Variants in RANBP17 observed in about 807,000 individuals in gnomAD.
The protein encoded by RANBP17 is ran-binding protein 17.
RANBP17 carries 158 observed loss-of-function variants against 141.2 expected under a neutral mutation model. The observed-to-expected ratio is 1.12, with a 90% confidence interval of 0.98 to 1.28. RANBP17 has a LOEUF of 1.28. Among genes scored for constraint, RANBP17 ranks in the 50% most tolerant of loss-of-function variants. RANBP17 has a pLI of 0.00. For missense variants in RANBP17, 1,438 were observed against 1,290.7 expected (o/e 1.11, Z -1.75); for synonymous variants, 430 against 450.0 (o/e 0.96, Z 0.56).
At chr5:170,903,054 G>C (rs116617179) in intron 5 of RANBP17, among the ~76,000 whole-genome samples, 2,709 of 152,322 alleles carry the variant, frequency 0.018, 72 homozygotes, top group African/African-American at 0.061. Flanking sequence ...GCTCTCTTCA[G>C]AGCTGGCAAG....
At chr5:171,068,640 G>A (rs1784448048) in intron 14 of RANBP17, among the ~76,000 whole-genome samples, 1 of 152,034 alleles carries the variant, frequency 6.6e-6, no homozygotes, top group Admixed American at 6.6e-5. Flanking sequence ...AGGTTGGAGT[G>A]CAGGGATGTG....
At chr5:171,135,172 C>T (rs956055026) in intron 14 of RANBP17, among the ~76,000 whole-genome samples, 8 of 147,774 alleles carry the variant, frequency 5.4e-5, no homozygotes, top group Admixed American at 2.7e-4. Flanking sequence ...CCCAGCTACC[C>T]GGGAGGCTGA....
At chr5:171,195,605 C>G (rs182428635) in intron 18 of RANBP17, among the ~76,000 whole-genome samples, 21 of 152,198 alleles carry the variant, frequency 1.4e-4, no homozygotes, top group African/African-American at 4.8e-4. Context: ...GATCTTCACT[C>G]TCTTCTGACT....
rs1777406611 is a variant in RANBP17 at position 170,976,796 on chromosome 5, A to ACTGGATATTCACATTCAAG, written c.1710+8437_1710+8438insGCTGGATATTCACATTCAA. On this transcript the variant is annotated intron_variant, in intron 14 of 27. Transcript: ENST00000523189. ...GTTTTCAACAAATGATGCTGGTACA[A>ACTGGATATTCACATTCAAG]CTGGATATTCACATTCAAAAGAATG... 2.0e-5 allele frequency among the ~76,000 whole-genome samples: 3 copies of ACTGGATATTCACATTCAAG among 152,254 alleles called. No individual in the cohort carries two copies. The South Asian group carries it at 6.2e-4, about 32-fold the overall frequency.
At chr5:171,187,462 G>C (rs943842444) in intron 18 of RANBP17, among the ~76,000 whole-genome samples, 2 of 151,526 alleles carry the variant, frequency 1.3e-5, no homozygotes, top group Non-Finnish European at 2.9e-5. Context: ...AAAAAGTGTG[G>C]TATCTGTGAA....
At chr5:170,944,678 A>G (rs1040754497) in intron 12 of RANBP17, among the ~76,000 whole-genome samples, 2 of 152,232 alleles carry the variant, frequency 1.3e-5, no homozygotes, top group Non-Finnish European at 2.9e-5. Context: ...CATTTCTCAT[A>G]CAATAGAAAC....
intron 12 of RANBP17, among the ~76,000 whole-genome samples, chr5:170,947,927 A>G (rs189717263): frequency 5.9e-5 from 9 of 152,266 alleles, no homozygotes; most frequent in South Asian, 2.1e-4. Flanking sequence ...ACCAAATTCT[A>G]TTGGTCAAAG....
intron 14 of RANBP17, among the ~76,000 whole-genome samples, chr5:171,077,678 C>T (rs1270879463): frequency 6.6e-6 from 1 of 152,180 alleles, no homozygotes; most frequent in East Asian, 1.9e-4. Context: ...ACATTTCTCT[C>T]TGCATTTTGC....
At chr5:171,018,476 CTTG>C (rs1780608394) in intron 14 of RANBP17, among the ~76,000 whole-genome samples, 1 of 152,070 alleles carries the variant, frequency 6.6e-6, no homozygotes, top group South Asian at 2.1e-4. Context: ...CCTTACATCC[CTTG>C]TTAGCTGTAT....
At chr5:171,077,327 G>A (rs886844777) in intron 14 of RANBP17, among the ~76,000 whole-genome samples, 5 of 151,598 alleles carry the variant, frequency 3.3e-5, no homozygotes, top group Admixed American at 1.3e-4. Context: ...GCAACAGAGC[G>A]AGACTCCATC....
At chr5:171,120,040 A>C in intron 14 of RANBP17, among the ~76,000 whole-genome samples, 1 of 151,010 alleles carries the variant, frequency 6.6e-6, no homozygotes, top group African/African-American at 2.4e-5. Flanking sequence ...TTAGTCTCAA[A>C]AAAAAAAAAA....
intron 12 of RANBP17, among the ~76,000 whole-genome samples, chr5:170,927,616 G>A (rs1488958714): frequency 6.6e-6 from 1 of 151,930 alleles, no homozygotes; most frequent in African/African-American, 2.4e-5. Context: ...AGTTAGGAAA[G>A]TGAGCTCCTT....
intron 24 of RANBP17, chr5:171,251,908 C>G: frequency 3.2e-6 from 5 of 1,576,104 alleles, no homozygotes; most frequent in Non-Finnish European, 4.4e-6. Flanking sequence ...AGAACAGTTT[C>G]CAGTGAATGA....
At chr5:171,165,179 T>C (rs922248765) in intron 14 of RANBP17, among the ~76,000 whole-genome samples, 3 of 151,280 alleles carry the variant, frequency 2.0e-5, no homozygotes, top group African/African-American at 7.4e-5. Context: ...AAGTAGGTTT[T>C]TTTGTTTTTT....
chr5:171,154,952 C>A lies in RANBP17; in HGVS notation c.1711-15178C>A, dbSNP rs185898460. On this transcript the variant is annotated intron_variant, in intron 14 of 27. Transcript: ENST00000523189. ...ATTAGCCGGGCATGGTGGCGGGGCA[C>A]CTGTAATCCCAGCTACTCGGGAGGC... Among the ~76,000 whole-genome samples, 674 of 151,520 alleles carry A rather than the reference C, an allele frequency of 4.4e-3. 8 individuals carry two copies. Among genetic ancestry groups the A allele is most frequent in the African/African-American group, 0.016 (646 of 41,276 alleles).
intron 14 of RANBP17, among the ~76,000 whole-genome samples, chr5:171,131,272 G>A (rs1295157905): frequency 6.6e-6 from 1 of 152,114 alleles, no homozygotes; most frequent in Non-Finnish European, 1.5e-5. Context: ...ATGTCATAAA[G>A]GTTTCTAAGC....
intron 14 of RANBP17, among the ~76,000 whole-genome samples, chr5:171,165,441 G>T (rs1458896663): frequency 6.6e-6 from 1 of 152,130 alleles, no homozygotes; most frequent in Non-Finnish European, 1.5e-5. Flanking sequence ...GCCTCCCAAA[G>T]TGCTGGGATT....
At chr5:171,236,230 G>A (rs1764536862) in intron 22 of RANBP17, among the ~76,000 whole-genome samples, 1 of 152,142 alleles carries the variant, frequency 6.6e-6, no homozygotes, top group African/African-American at 2.4e-5. Context: ...TTGTCAGCTA[G>A]CTATCAAATT....
chr5:171,144,149 G>A (rs1757887535), intron 14 of RANBP17, among the ~76,000 whole-genome samples: 1 of 152,130 alleles, frequency 6.6e-6, no homozygotes, highest in Admixed American at 6.5e-5. Context: ...AATCACTTGA[G>A]CGCAGGTGTT....
Sources: allele counts gnomAD v4.1 joint callset (sites outside exome capture counted in the v4.1 genomes callset), GRCh38; gene constraint gnomAD v4.1.1; transcripts MANE v1.5; gene names NCBI Gene and HGNC (gene_info 2026-07-23, HGNC 2026-07-21).